SCAP: variants seen among roughly 807,000 people sequenced by gnomAD.
The protein encoded by SCAP is sterol regulatory element-binding protein cleavage-activating protein.
Under a neutral mutation model 123.6 loss-of-function variants are expected in SCAP, and 65 were observed. That is an observed-to-expected ratio of 0.53 (90% CI 0.43 to 0.65). The LOEUF (loss-of-function observed/expected upper bound fraction) is 0.65, where lower values mean the gene tolerates loss of function less well. Among genes scored for constraint, SCAP ranks in the 30% least tolerant of loss-of-function variants. The pLI is 0.00. For synonymous variants in SCAP, 740 were observed against 726.3 expected (o/e 1.02, Z -0.30); for missense variants, 1,398 against 1,712.5 (o/e 0.82, Z 3.24).
In SCAP at chr3:47,442,903, G is replaced by A. The variant is rs1231562945; in HGVS notation, c.91C>T (p.Leu31Phe). ...GCTAAGATGCAGAACCCTGTGAAGAGGATGATGGGGATGGGATAGGATGCA... is the reference window on the plus strand; with the variant it reads ...GCTAAGATGCAGAACCCTGTGAAGAAGATGATGGGGATGGGATAGGATGCA... Reference protein sequence around the residue: ...LCASYPIPIILFTGFCILACC... With the variant: ...LCASYPIPIIFFTGFCILACC... Residue 31 changes from leucine (L) to phenylalanine (F), a missense_variant, in exon 2 of 23, where the codon CTC (leucine) becomes TTC (phenylalanine). By Grantham distance (22) the Leu-to-Phe change is conservative (BLOSUM62 0). Around this residue, in one of 7 missense-constraint regions of SCAP, gnomAD observed 319 missense variants for 432.4 expected, o/e 0.74. Transcript: ENST00000265565. 1.9e-6 allele frequency: 3 copies of A among 1,614,192 alleles called. No homozygotes were observed. The highest frequency in any genetic ancestry group is 2.2e-5 in the East Asian group (1 of 44,882).
At chr3:47,443,275 C>T (rs1706885302) in intron 1 of SCAP, 184 bp from the exon 2 acceptor site, 2 of 134,954 alleles carry the variant, frequency 1.5e-5, no homozygotes, top group Non-Finnish European at 2.8e-5. Flanking sequence ...CACACACACA[C>T]ACTCTCTCTC....
Position 47,418,131 on chromosome 3 carries a change from T to TA in SCAP, c.2447+2dup. On this transcript the variant is annotated splice_region_variant and intron_variant, in intron 16 of 22. Transcript: ENST00000265565. ...CAAAGGAGGAAAGGGCAGCCGCACC[T>TA]ACCCTGGGCGCGGAATGCGCGTTAG... 1 of 1,552,606 alleles carries TA rather than the reference T, an allele frequency of 6.4e-7. No homozygotes were observed. The highest frequency in any genetic ancestry group is 8.7e-7 in the Non-Finnish European group (1 of 1,148,598).
At chr3:47,416,094 G>C (rs1309455670) in intron 18 of SCAP, among the ~76,000 whole-genome samples, 1 of 152,236 alleles carries the variant, frequency 6.6e-6, no homozygotes. Context: ...CTAAGGGCAA[G>C]GGACGCCCCC....
chr3:47,418,626 T>TTGCCCCCCCCCCC, intron 14 of SCAP, 29 bp downstream of exon 14: 3 of 1,459,552 alleles, frequency 2.1e-6, no homozygotes, highest in Non-Finnish European at 2.8e-6. Context: ...CCGCACTCTT[T>TTGCCCCCCCCCCC]CCCACCCCAC....
Position 47,472,484 on chromosome 3 carries a change from T to TAA in SCAP, c.-99+3314_-99+3315insTT, listed in dbSNP as rs397753214. Among the ~76,000 whole-genome samples the TAA allele has an allele frequency of 3.0e-3, 451 of 149,614 alleles. 1 individual carries two copies. Among genetic ancestry groups the TAA allele is most frequent in the Admixed American group, 5.1e-3 (76 of 15,002 alleles). ...AAAATAATAATAATAATAATAATAA[T>TAA]TAAATGAAGCTGAAATAAACAGGAA... On this transcript the variant is annotated intron_variant, in intron 1 of 22. Transcript: ENST00000265565.
intron 4 of SCAP, among the ~76,000 whole-genome samples, chr3:47,428,075 C>T (rs535416538): frequency 3.9e-5 from 6 of 152,316 alleles, no homozygotes; most frequent in African/African-American, 1.4e-4. Flanking sequence ...TTGCCAATTA[C>T]ACACATTGTA....
intron 1 of SCAP, chr3:47,475,483 C>T (rs1198264662): frequency 6.6e-5 from 10 of 152,302 alleles, no homozygotes; most frequent in Admixed American, 6.5e-4. Context: ...ACAACAGCTT[C>T]CCGGAGCAAC....
intron 1 of SCAP, among the ~76,000 whole-genome samples, chr3:47,453,520 C>T (rs575351519): frequency 6.2e-4 from 94 of 152,246 alleles, no homozygotes; most frequent in Non-Finnish European, 1.1e-3. Flanking sequence ...TATACTGAAA[C>T]CTCTTTCCAG....
Position 47,418,851 on chromosome 3 carries a change from C to G in SCAP, c.1941-8G>C. On this transcript the variant is annotated splice_polypyrimidine_tract_variant and splice_region_variant and intron_variant, in intron 13 of 22. Coordinates refer to ENST00000265565, the MANE Select transcript of SCAP (RefSeq NM_012235.4). ...GGCAGCAGGCTGATGTACCTGGATT[C>G]GGACAGTGGGCAGCCTCAGCGGGGG... 6.6e-7 allele frequency: 1 copy of G among 1,514,346 alleles called. No individual in the cohort carries two copies. Among genetic ancestry groups the G allele is most frequent in the Non-Finnish European group, 8.8e-7 (1 of 1,134,118 alleles). 93.8% of individuals were successfully genotyped at this position (1,514,346 alleles called of 1,614,324 possible).
chr3:47,416,187 G>A (rs920431730), intron 18 of SCAP, among the ~76,000 whole-genome samples: 14 of 152,204 alleles, frequency 9.2e-5, no homozygotes, highest in African/African-American at 3.1e-4. Flanking sequence ...AGCCAGTGTG[G>A]GACAGGCAGG....
intron 3 of SCAP, among the ~76,000 whole-genome samples, chr3:47,433,621 C>A (rs937728598): frequency 1.3e-5 from 2 of 152,186 alleles, no homozygotes; most frequent in African/African-American, 4.8e-5. Context: ...AATCCCAGCA[C>A]TTTGGGAGGC....
intron 1 of SCAP, among the ~76,000 whole-genome samples, chr3:47,446,036 C>G (rs1215702091): frequency 6.6e-6 from 1 of 150,620 alleles, no homozygotes; most frequent in Non-Finnish European, 1.5e-5. Context: ...CCACCACGCC[C>G]AGCTAATTTT....
intron 1 of SCAP, among the ~76,000 whole-genome samples, chr3:47,470,584 G>A (rs922744055): frequency 5.3e-5 from 8 of 152,206 alleles, no homozygotes; most frequent in African/African-American, 1.4e-4. Context: ...GAACCTTTGC[G>A]GGGCGCAGTG....
chr3:47,423,197 G>A (rs892745895), intron 9 of SCAP, among the ~76,000 whole-genome samples: 2 of 152,164 alleles, frequency 1.3e-5, no homozygotes, highest in African/African-American at 4.8e-5. Context: ...GGAAGAAGAG[G>A]CTCAAGTGAC....
At chr3:47,445,874 ATTTTTTT>A (rs35996993) in intron 1 of SCAP, among the ~76,000 whole-genome samples, 1 of 122,732 alleles carries the variant, frequency 8.1e-6, no homozygotes, top group African/African-American at 3.1e-5. Flanking sequence ...CCCTGTCTCA[ATTTTTTT>A]TTTTTTTTTT....
At position 47,418,313 on chromosome 3, in the gene SCAP, CT is replaced by C; in HGVS notation, c.2331+7del. 4.5e-6 allele frequency: 7 copies of C among 1,557,938 alleles called. No homozygotes were observed. The highest frequency in any genetic ancestry group is 6.1e-6 in the Non-Finnish European group (7 of 1,151,430). On this transcript the variant is annotated splice_region_variant and intron_variant, in intron 15 of 22. Transcript: ENST00000265565. ...CCTCCCCTACCCGGCCACTGTGCCC[CT>C]GCTCACCATGAGGTGGCCGCGCAGC...
At chr3:47,429,103 C>CTA in intron 3 of SCAP, 1 of 178,188 alleles carries the variant, frequency 5.6e-6, no homozygotes, top group Admixed American at 5.5e-5. Context: ...ATCCTAGTAT[C>CTA]CACCCTCTAA....
In SCAP at chr3:47,414,666, G is replaced by A. The variant is rs768409175; in HGVS notation, c.3307-14C>T. ...CAGACGGAACACCTGGGACAGGGAT[G>A]GGCCTCAGGTTCTGGTCTCTGGGAT... On this transcript the variant is annotated splice_polypyrimidine_tract_variant and intron_variant, in intron 20 of 22. Coordinates refer to ENST00000265565, the MANE Select transcript of SCAP (RefSeq NM_012235.4). The A allele has an allele frequency of 6.2e-7, 1 of 1,613,138 alleles. No homozygotes were observed. The highest frequency in any genetic ancestry group is 1.1e-5 in the South Asian group (1 of 91,084).
In SCAP at chr3:47,437,373, G is replaced by GATGGCGCCACTGCACTCTA. The variant is rs1469773401; in HGVS notation, c.123-2255_123-2237dup. Among the ~76,000 whole-genome samples, 4 of 130,918 alleles carry GATGGCGCCACTGCACTCTA rather than the reference G, an allele frequency of 3.1e-5. No individual in the cohort carries two copies. The East Asian group carries it at 7.4e-4, about 24-fold the overall frequency. 85.9% of individuals were successfully genotyped at this position (130,918 alleles called of 152,430 possible). ...AAAATCACTTGAACCGGTGAGCTGA[G>GATGGCGCCACTGCACTCTA]ATGGCGCCACTGCACTCTAGCCTGG... On this transcript the variant is annotated intron_variant, in intron 2 of 22. Coordinates refer to ENST00000265565, the MANE Select transcript of SCAP (RefSeq NM_012235.4).
Sources: gnomAD v4.1 joint callset for allele counts (sites outside exome capture counted in the v4.1 genomes callset) on GRCh38, gnomAD v4.1.1 for gene constraint, gnomAD v4.1.1 regional missense constraint, MANE v1.5 for transcripts, NCBI Gene and HGNC (gene_info 2026-07-23, HGNC 2026-07-21) for gene names.